The following SMARCC1 variants were observed in gnomAD, a reference collection of about 807,000 sequenced individuals.
SMARCC1 encodes the protein SWI/SNF complex subunit SMARCC1.
In SMARCC1, 43 loss-of-function variants were observed where a neutral mutation model predicts 147.4. The observed-to-expected ratio is 0.29, with a 90% CI of 0.23 to 0.38. SMARCC1 has a LOEUF of 0.38. Ranked by LOEUF, SMARCC1 falls within the 10% of genes least tolerant of loss-of-function variation. The probability of loss-of-function intolerance (pLI) is 1.00; values close to 1 mark genes in which losing one functional copy is unlikely to be tolerated. For synonymous variants in SMARCC1, 495 were observed against 484.4 expected, an observed-to-expected ratio of 1.02 and a Z score of -0.29; for missense variants, 1,119 against 1,381.1, an observed-to-expected ratio of 0.81 and a Z score of 3.01.
At chr3:47,635,834 C>T (rs1430053822) in intron 23 of SMARCC1, among the ~76,000 whole-genome samples, 188 bp downstream of exon 23, 3 of 152,126 alleles carry the variant, frequency 2.0e-5, no homozygotes, top group Admixed American at 6.5e-5. Flanking sequence ...ATTAAAAGCA[C>T]AGAAAAAAGT....
At chr3:47,710,446 T>C (rs1017344739) in intron 9 of SMARCC1, among the ~76,000 whole-genome samples, 7 of 152,258 alleles carry the variant, frequency 4.6e-5, no homozygotes, top group African/African-American at 1.7e-4. Context: ...CCCTTCTGCA[T>C]GGGCCACTTT....
chr3:47,780,827 T>G (rs1287421002), intron 1 of SMARCC1, among the ~76,000 whole-genome samples: 1 of 150,942 alleles, frequency 6.6e-6, no homozygotes, highest in Non-Finnish European at 1.5e-5. Context: ...AAAAGGGAAG[T>G]TGGAAAAAAA....
intron 21 of SMARCC1, among the ~76,000 whole-genome samples, chr3:47,640,493 A>C (rs1180973245): frequency 6.6e-6 from 1 of 152,122 alleles, no homozygotes; most frequent in Non-Finnish European, 1.5e-5. Context: ...AAATTAGATC[A>C]AATGGGAAAA....
At chr3:47,595,578 A>C (rs1286651224) in intron 26 of SMARCC1, among the ~76,000 whole-genome samples, 1 of 152,080 alleles carries the variant, frequency 6.6e-6, no homozygotes, top group Non-Finnish European at 1.5e-5. Flanking sequence ...CACACAGCCA[A>C]GCCTAAGTTA....
At chr3:47,685,148 T>A in intron 14 of SMARCC1, among the ~76,000 whole-genome samples, 1 of 151,740 alleles carries the variant, frequency 6.6e-6, no homozygotes. Flanking sequence ...AAAATAGGGG[T>A]TCCTTGAACA....
intron 21 of SMARCC1, among the ~76,000 whole-genome samples, chr3:47,650,679 G>C (rs1268677951): frequency 6.6e-6 from 1 of 152,044 alleles, no homozygotes; most frequent in Non-Finnish European, 1.5e-5. Context: ...AGCCAGGGAT[G>C]GTGGTGCACA....
At chr3:47,633,071 G>A (rs186865829) in intron 24 of SMARCC1, among the ~76,000 whole-genome samples, 193 of 152,298 alleles carry the variant, frequency 1.3e-3, no homozygotes, top group Non-Finnish European at 1.5e-3. Context: ...GCTTCTGGAG[G>A]GGCTGGTAAT....
chr3:47,740,446 C>T (rs2034496903), intron 3 of SMARCC1, among the ~76,000 whole-genome samples: 3 of 151,792 alleles, frequency 2.0e-5, no homozygotes. Context: ...CCACCCACCT[C>T]GGCCTCCCAA....
intron 5 of SMARCC1, among the ~76,000 whole-genome samples, chr3:47,729,693 A>G (rs374793515): frequency 6.6e-6 from 1 of 152,164 alleles, no homozygotes; most frequent in Admixed American, 6.6e-5. Context: ...GTCAGGTACT[A>G]TTACTTCTTA....
intron 13 of SMARCC1, among the ~76,000 whole-genome samples, chr3:47,687,939 T>C (rs898093627): frequency 3.9e-5 from 6 of 152,206 alleles, no homozygotes; most frequent in African/African-American, 1.4e-4. Flanking sequence ...AATAATGACA[T>C]ATTTTTGCAC....
In SMARCC1 at chr3:47,686,082, A is replaced by C; in HGVS notation, c.1352T>G (p.Ile451Ser). The change falls in exon 14 of 28, where the codon ATT becomes AGT. Residue 451 changes from isoleucine to serine, a missense_variant. By Grantham distance (142) the Ile-to-Ser change is moderately radical. This residue lies in a region of SMARCC1 where 542 missense variants were observed against 611.8 expected (regional missense o/e 0.89). Transcript: ENST00000254480. ...NVTEQTNHIIIPSYASWFDYN... is the reference protein window; with the variant it reads ...NVTEQTNHIISPSYASWFDYN... ...ATCAAACCATGATGCATAACTAGGA[A>C]TAATAATGTGATTGGTCTGCTCTGT... The C allele has an allele frequency of 1.2e-6, 2 of 1,613,210 alleles. No homozygotes were observed. Among genetic ancestry groups the C allele is most frequent in the Non-Finnish European group, 1.7e-6 (2 of 1,179,208 alleles).
At chr3:47,768,625 T>C (rs962692512) in intron 2 of SMARCC1, among the ~76,000 whole-genome samples, 3 of 152,196 alleles carry the variant, frequency 2.0e-5, no homozygotes, top group Non-Finnish European at 4.4e-5. Context: ...TACTATATTA[T>C]AGTGAATTAA....
At chr3:47,723,355 GTTTTTTTTTTTT>G (rs71070218) in intron 6 of SMARCC1, among the ~76,000 whole-genome samples, 1 of 106,674 alleles carries the variant, frequency 9.4e-6, no homozygotes, top group Non-Finnish European at 1.9e-5. Flanking sequence ...TTTTTGTTGG[GTTTTTTTTTTTT>G]TTTTTTTTTT....
Position 47,660,996 on chromosome 3 carries a change from A to ACCTACAG in SMARCC1, c.2320+291_2320+297dup, listed in dbSNP as rs2033338576. On this transcript the variant is annotated intron_variant, in intron 21 of 27. Coordinates refer to ENST00000254480, the MANE Select transcript of SMARCC1 (RefSeq NM_003074.4). ...AAGTCCTTTCAATATTCTTTTTTTC[A>ACCTACAG]CCTACAGTTCCATGCATCTTTCAGT... Among the ~76,000 whole-genome samples, 4 of 152,180 alleles carry ACCTACAG rather than the reference A, an allele frequency of 2.6e-5. No individual in the cohort carries two copies. In the South Asian group the frequency reaches 8.3e-4, roughly 31 times the overall value.
chr3:47,781,308 AAGAG>A (rs899744573), intron 1 of SMARCC1, among the ~76,000 whole-genome samples: 5 of 152,140 alleles, frequency 3.3e-5, no homozygotes, highest in East Asian at 1.9e-4. Flanking sequence ...CAGCTGACAA[AAGAG>A]AGAGAGTCAC....
At chr3:47,714,244 G>C (rs953691886) in intron 8 of SMARCC1, among the ~76,000 whole-genome samples, 171 bp downstream of exon 8, 1 of 152,130 alleles carries the variant, frequency 6.6e-6, no homozygotes, top group African/African-American at 2.4e-5. Context: ...TGTGCCTATA[G>C]TCCCAGCTAC....
At chr3:47,625,740 A>G (rs1001976766) in intron 24 of SMARCC1, among the ~76,000 whole-genome samples, 1 of 152,232 alleles carries the variant, frequency 6.6e-6, no homozygotes, top group Admixed American at 6.5e-5. Context: ...AAGAAAAAAC[A>G]AAGTATATCT....
chr3:47,778,562 C>A (rs1576440255), intron 1 of SMARCC1, among the ~76,000 whole-genome samples: 2 of 152,130 alleles, frequency 1.3e-5, no homozygotes, highest in Non-Finnish European at 2.9e-5. Flanking sequence ...AAATGAACCT[C>A]CCACCTGGAA....
At chr3:47,740,903 T>C (rs2034502344) in intron 3 of SMARCC1, among the ~76,000 whole-genome samples, 1 of 145,372 alleles carries the variant, frequency 6.9e-6, no homozygotes, top group Admixed American at 6.8e-5. Context: ...AAAATTAGAA[T>C]ATTGTGACTT....
Sources: gnomAD v4.1 joint callset for allele counts (sites outside exome capture counted in the v4.1 genomes callset) on GRCh38, gnomAD v4.1.1 for gene constraint, gnomAD v4.1.1 regional missense constraint, MANE v1.5 for transcripts, NCBI Gene and HGNC (gene_info 2026-07-23, HGNC 2026-07-21) for gene names.